Variants in CACNA1C observed in about 807,000 individuals in gnomAD.
The protein encoded by CACNA1C is calcium voltage-gated channel subunit alpha1 C.
CACNA1C carries 30 observed loss-of-function variants against 229.0 expected under a neutral mutation model. The ratio of observed to expected loss-of-function variants is 0.13; its 90% CI spans 0.10 to 0.18. The LOEUF (loss-of-function observed/expected upper bound fraction) is 0.18, where lower values mean the gene tolerates loss of function less well. CACNA1C is among the 10% of genes least tolerant of loss of function. The pLI is 1.00. For missense variants in CACNA1C, 1,658 were observed against 2,845.0 expected (o/e 0.58, Z 9.49); for synonymous variants, 1,114 against 1,132.5 (o/e 0.98, Z 0.33).
In CACNA1C at chr12:2,690,998, G is replaced by A. The variant is rs947404880; in HGVS notation, c.6216G>A (p.Glu2072=). Residue 2072 remains glutamate (E), a synonymous_variant, in exon 47 of 47, where the codon GAG becomes GAA. Coordinates refer to ENST00000399655, the MANE Select transcript of CACNA1C (RefSeq NM_000719.7). The part of the protein sequence containing the change: ...ELADACDMTI[E]EMESAADNIL... ...CCGACGCCTGCGACATGACCATAGA[G>A]GAGATGGAGAGCGCGGCCGACAACA... is the stretch of plus-strand genomic sequence containing the variant. 6.2e-7 allele frequency: 1 copy of A among 1,600,694 alleles called. No homozygotes were observed. The highest frequency in any genetic ancestry group is 1.1e-5 in the South Asian group (1 of 88,746).
At chr12:2,260,928 A>G (rs527819273) in intron 3 of CACNA1C, among the ~76,000 whole-genome samples, 75 of 152,258 alleles carry the variant, frequency 4.9e-4, no homozygotes, top group African/African-American at 1.7e-3. Context: ...AATCAACTTA[A>G]TTCATTAAAA....
chr12:2,559,254 A>G (rs924718561), intron 11 of CACNA1C, among the ~76,000 whole-genome samples: 1 of 152,266 alleles, frequency 6.6e-6, no homozygotes, highest in African/African-American at 2.4e-5. Flanking sequence ...AGTTCATGCA[A>G]GTGAGTAAAT....
chr12:2,101,819 G>T (rs972851160), intron 1 of CACNA1C, among the ~76,000 whole-genome samples: 1 of 151,844 alleles, frequency 6.6e-6, no homozygotes, highest in African/African-American at 2.4e-5. Context: ...TCACAAGGTC[G>T]CTGCCTCCTG....
chr12:2,066,540 G>A (rs2059336921), intron 1 of CACNA1C, among the ~76,000 whole-genome samples: 1 of 152,196 alleles, frequency 6.6e-6, no homozygotes, highest in South Asian at 2.1e-4. Flanking sequence ...TTGGGCTGGA[G>A]AGTGGGTTCA....
At chr12:2,527,414 A>G (rs750947675) in intron 9 of CACNA1C, among the ~76,000 whole-genome samples, 1 of 152,240 alleles carries the variant, frequency 6.6e-6, no homozygotes, top group Non-Finnish European at 1.5e-5. Flanking sequence ...TTGACAGGCT[A>G]GCTTTAAAGG....
Position 2,053,650 on chromosome 12 carries a change from C to T in CACNA1C, c.49+39C>T. The T allele has an allele frequency of 1.3e-6, 2 of 1,518,408 alleles. No individual in the cohort carries two copies. The highest frequency in any genetic ancestry group is 1.8e-6 in the Non-Finnish European group (2 of 1,128,496). The allele number at this position is 1,518,408 out of a possible 1,614,324, so 94.1% of individuals were successfully genotyped here. ...CCGCCGCCTCGCCGGGGCTCCCTGCCTTTTCCACCGGGTTCCTGCCCTACC... is the reference window on the plus strand; with the variant it reads ...CCGCCGCCTCGCCGGGGCTCCCTGCTTTTTCCACCGGGTTCCTGCCCTACC... On this transcript the variant is annotated intron_variant, in intron 1 of 46. Transcript: ENST00000399655. The surrounding 1 kb of genome is among the most constrained non-coding windows in gnomAD (Gnocchi z 5.8).
intron 3 of CACNA1C, among the ~76,000 whole-genome samples, chr12:2,121,521 C>T (rs1448843364): frequency 6.6e-6 from 1 of 152,154 alleles, no homozygotes; most frequent in East Asian, 1.9e-4. Context: ...GTGTTCACCG[C>T]CTGCGGGCTG....
intron 3 of CACNA1C, among the ~76,000 whole-genome samples, chr12:2,157,878 TATATC>T (rs2095633364): frequency 6.6e-6 from 1 of 152,234 alleles, no homozygotes; most frequent in African/African-American, 2.4e-5. Context: ...GATAAGATAT[TATATC>T]CTTGATACAG....
chr12:2,053,053 C>T lies in CACNA1C; in HGVS notation c.-510C>T. 4.1e-6 allele frequency: 4 copies of T among 983,896 alleles called. No individual in the cohort carries two copies. The highest frequency in any genetic ancestry group is 3.6e-6 in the Non-Finnish European group (3 of 829,200). The allele number at this position is 983,896 out of a possible 1,614,324, so 60.9% of individuals were successfully genotyped here. On this transcript the variant is annotated 5_prime_UTR_variant, in exon 1 of 47. Coordinates refer to ENST00000399655, the MANE Select transcript of CACNA1C (RefSeq NM_000719.7). The surrounding 1 kb of genome is among the most constrained non-coding windows in gnomAD (Gnocchi z 5.8). ...GCGGCGCTCGGCGCGGCGCGGCGGG[C>T]CCGGAGCGGCGGCGGCGGCTCTTCC...
At chr12:2,289,128 G>A (rs1218619392) in intron 3 of CACNA1C, among the ~76,000 whole-genome samples, 1 of 152,198 alleles carries the variant, frequency 6.6e-6, no homozygotes, top group Non-Finnish European at 1.5e-5. Context: ...GAGCCAGCAG[G>A]AGCCAAGCTT....
At position 2,557,116 on chromosome 12, in the gene CACNA1C, T is replaced by C. The variant is rs2044778789; in HGVS notation, c.1508+139T>C. ...CTTCTAAGGGGGTAACTACTTTCTG[T>C]ATGGCCATCAAGAAAAAGCTTATGG... On this transcript the variant is annotated intron_variant, in intron 11 of 46. Transcript: ENST00000399655. 4 of 664,878 alleles carry C rather than the reference T, an allele frequency of 6.0e-6. No homozygotes were observed. The South Asian group carries it at 7.1e-5, about 12-fold the overall frequency. 41.2% of individuals were successfully genotyped at this position (664,878 alleles called of 1,614,324 possible).
intron 1 of CACNA1C, among the ~76,000 whole-genome samples, chr12:2,075,323 G>A (rs2062803744): frequency 6.6e-6 from 1 of 152,214 alleles, no homozygotes; most frequent in Non-Finnish European, 1.5e-5. Flanking sequence ...ACTAATCTAA[G>A]TGTGTCCCAT....
chr12:2,307,487 A>G (rs1400440184), intron 3 of CACNA1C, among the ~76,000 whole-genome samples: 1 of 152,188 alleles, frequency 6.6e-6, no homozygotes, highest in Non-Finnish European at 1.5e-5. Flanking sequence ...TTTCGGCTGC[A>G]TAGCTCTACT....
chr12:2,077,674 C>T (rs1215616567), intron 1 of CACNA1C, among the ~76,000 whole-genome samples: 3 of 152,128 alleles, frequency 2.0e-5, no homozygotes, highest in South Asian at 2.1e-4. Flanking sequence ...GCAAGAGTTA[C>T]GGCCTCAGGC....
intron 1 of CACNA1C, among the ~76,000 whole-genome samples, chr12:2,040,977 G>A (rs1024421685): frequency 5.3e-5 from 8 of 152,164 alleles, no homozygotes; most frequent in Non-Finnish European, 7.4e-5. Context: ...TCTAATACCT[G>A]ACACTTTTGT....
At chr12:2,084,918 C>G (rs1304709785) in intron 1 of CACNA1C, among the ~76,000 whole-genome samples, 1 of 152,154 alleles carries the variant, frequency 6.6e-6, no homozygotes, top group East Asian at 1.9e-4. Context: ...TTAGTGTGGA[C>G]CATAGTTTCA....
intron 3 of CACNA1C, among the ~76,000 whole-genome samples, chr12:2,147,356 G>A (rs2094817950): frequency 6.6e-6 from 1 of 151,444 alleles, no homozygotes; most frequent in Admixed American, 6.6e-5. Flanking sequence ...TCCTTCCAGT[G>A]TGCTTCTGTA....
At chr12:2,268,000 C>T (rs1022459002) in intron 3 of CACNA1C, among the ~76,000 whole-genome samples, 1 of 152,112 alleles carries the variant, frequency 6.6e-6, no homozygotes, top group Admixed American at 6.5e-5. Flanking sequence ...GTGTTTTTCC[C>T]CCTGTTGTCA....
chr12:2,058,859 G>A (rs377596205), intron 1 of CACNA1C, among the ~76,000 whole-genome samples: 1 of 152,344 alleles, frequency 6.6e-6, no homozygotes, highest in Non-Finnish European at 1.5e-5. Flanking sequence ...TGAAACCTGG[G>A]CACTCCAGAA....
Sources: allele counts gnomAD v4.1 joint callset (sites outside exome capture counted in the v4.1 genomes callset), GRCh38; gene constraint gnomAD v4.1.1; non-coding constraint Gnocchi (gnomAD v3.1); transcripts MANE v1.5; gene names NCBI Gene and HGNC (gene_info 2026-07-23, HGNC 2026-07-21).